The following ADGRB1 variants were observed in gnomAD, a reference collection of about 807,000 sequenced individuals.
The protein encoded by ADGRB1 is adhesion G protein-coupled receptor B1.
In ADGRB1, 36 loss-of-function variants were observed where a neutral mutation model predicts 175.7. That is an observed-to-expected ratio of 0.20 (90% confidence interval 0.16 to 0.27). The LOEUF (loss-of-function observed/expected upper bound fraction) is 0.27, where lower values mean the gene tolerates loss of function less well. Among genes scored for constraint, ADGRB1 ranks in the 10% least tolerant of loss-of-function variants. ADGRB1 has a pLI of 1.00. For synonymous variants in ADGRB1, 1,054 were observed against 979.4 expected, an observed-to-expected ratio of 1.08 and a Z score of -1.42; for missense variants, 1,731 against 2,255.3, an observed-to-expected ratio of 0.77 and a Z score of 4.71.
At chr8:142,498,250 A>G (rs927914367) in intron 17 of ADGRB1, among the ~76,000 whole-genome samples, 1 of 152,206 alleles carries the variant, frequency 6.6e-6, no homozygotes, top group South Asian at 2.1e-4. Flanking sequence ...CCAGCAGAGC[A>G]GAAGCCCCCG....
At chr8:142,451,726 GA>G (rs1341105740) in intron 1 of ADGRB1, among the ~76,000 whole-genome samples, 1 of 152,190 alleles carries the variant, frequency 6.6e-6, no homozygotes, top group African/African-American at 2.4e-5. Context: ...GGAGGCGGGG[GA>G]AAGGGGAGCT....
Position 142,542,727 on chromosome 8 carries a change from C to T in ADGRB1, c.4413+80C>T, listed in dbSNP as rs1845355361. ...GCTGGGTCACCCCTGCTGGGTGGGA[C>T]CCCCACGCCGTCAGCGGGGCGGGCT... On this transcript the variant is annotated intron_variant, in intron 28 of 30. Transcript: ENST00000517894. The surrounding 1 kb of genome is among the most constrained non-coding windows in gnomAD (Gnocchi z 6.3). 5 of 1,316,082 alleles carry T rather than the reference C, an allele frequency of 3.8e-6. No individual in the cohort carries two copies. In the Admixed American group the frequency reaches 1.3e-4, roughly 35 times the overall value. 81.5% of individuals were successfully genotyped at this position (1,316,082 alleles called of 1,614,324 possible). A position where few individuals can be genotyped will look rare whatever the true frequency, so the allele number is the denominator to read the frequency against.
intron 2 of ADGRB1, 26 bp downstream of exon 2, chr8:142,465,008 GGACAGGGGAGGTGGGCA>G (rs746381973): frequency 8.6e-5 from 125 of 1,448,208 alleles, no homozygotes; most frequent in East Asian, 4.2e-4. Flanking sequence ...GGAAACCTTC[GGACAGGGGAGGTGGGCA>G]GACAGGGGAG....
intron 16 of ADGRB1, among the ~76,000 whole-genome samples, chr8:142,489,929 G>T (rs999138389): frequency 2.6e-5 from 4 of 152,202 alleles, no homozygotes; most frequent in African/African-American, 9.6e-5. Context: ...TGCTATGTGA[G>T]CCCTGCCAGG....
chr8:142,487,293 G>A (rs1841717851), intron 13 of ADGRB1, among the ~76,000 whole-genome samples: 1 of 151,860 alleles, frequency 6.6e-6, no homozygotes, highest in Admixed American at 6.5e-5. Flanking sequence ...CCCATTCCCC[G>A]CTGCAGCTTC....
chr8:142,497,083 C>T (rs1842251099), intron 17 of ADGRB1, among the ~76,000 whole-genome samples: 1 of 152,260 alleles, frequency 6.6e-6, no homozygotes, highest in South Asian at 2.1e-4. Context: ...TCAGTGCACA[C>T]AGGCTGTCTC....
At chr8:142,471,052 G>A (rs1230509717) in intron 2 of ADGRB1, among the ~76,000 whole-genome samples, 6 of 152,106 alleles carry the variant, frequency 3.9e-5, no homozygotes, top group Non-Finnish European at 7.4e-5. Flanking sequence ...GTGACAGGGA[G>A]CACCGAGGGG....
rs745974864 is a variant in ADGRB1, at chr8:142,481,399, A to G, written c.1935+39A>G. 17 of 1,607,400 alleles carry G rather than the reference A, an allele frequency of 1.1e-5. No homozygotes were observed. In the South Asian group the frequency reaches 1.3e-4, roughly 12 times the overall value. ...CCCGGGGGTCTCCAACCCCTCCCCA[A>G]TCACCCTGGCCACACAGGTTGGGAC... is the stretch of plus-strand genomic sequence containing the variant. On this transcript the variant is annotated intron_variant, in intron 10 of 30. Coordinates refer to ENST00000517894, the MANE Select transcript of ADGRB1 (RefSeq NM_001702.3).
At chr8:142,477,601 T>G (rs1587292704) in intron 6 of ADGRB1, 52 bp downstream of exon 6, 1 of 1,571,650 alleles carries the variant, frequency 6.4e-7, no homozygotes, top group South Asian at 1.2e-5. Context: ...AAAGGGGAGG[T>G]CACAGTGGGC....
Position 142,522,708 on chromosome 8 carries a change from C to T in ADGRB1, c.3243C>T (p.Asn1081=), listed in dbSNP as rs760999864. 2.6e-6 allele frequency: 4 copies of T among 1,525,050 alleles called. No homozygotes were observed. In the South Asian group the frequency reaches 3.8e-5, roughly 15 times the overall value. The allele number at this position is 1,525,050 out of a possible 1,614,324, so 94.5% of individuals were successfully genotyped here. A position where few individuals can be genotyped will look rare whatever the true frequency, so the allele number is the denominator to read the frequency against. ...FTKAKGYSTM[N]YCWLSLEGGL... ...AGGCCAAAGGGTACAGCACCATGAA[C>T]TAGTGAGTCGGGGCATTGGGGGTGT... The change falls in exon 22 of 31, where the codon AAC becomes AAT. Residue 1081 remains asparagine, a splice_region_variant and synonymous_variant. Transcript: ENST00000517894.
At chr8:142,515,123 C>A (rs948459671) in intron 18 of ADGRB1, among the ~76,000 whole-genome samples, 1 of 152,060 alleles carries the variant, frequency 6.6e-6, no homozygotes, top group African/African-American at 2.4e-5. Context: ...ACCTAGTATG[C>A]AGGGAGGGCC....
At chr8:142,477,315 G>A (rs972899692) in intron 5 of ADGRB1, 37 bp downstream of exon 5, 7 of 1,461,998 alleles carry the variant, frequency 4.8e-6, no homozygotes, top group African/African-American at 3.0e-5. Context: ...CGGACAGCCA[G>A]GGCAGCGGGG....
In ADGRB1 at chr8:142,479,192, A is replaced by G. The variant is rs538667053; in HGVS notation, c.1562-131A>G. 8.6e-5 allele frequency: 91 copies of G among 1,054,846 alleles called. No homozygotes were observed. In the African/African-American group the frequency reaches 1.2e-3, roughly 14 times the overall value. 65.3% of individuals were successfully genotyped at this position (1,054,846 alleles called of 1,614,324 possible). On this transcript the variant is annotated intron_variant, in intron 7 of 30. Transcript: ENST00000517894. ...TCCCTTCTTTGACCTCCTGCCCCAC[A>G]TTCCTGGGTCCCTATGTTTCACTGC...
intron 30 of ADGRB1, 67 bp from the exon 31 acceptor site, chr8:142,544,153 C>T (rs893297427): frequency 6.6e-7 from 1 of 1,506,938 alleles, no homozygotes; most frequent in African/African-American, 1.4e-5. Context: ...CCTCCTCCCC[C>T]CTACTCCTCG....
chr8:142,520,688 C>T, intron 19 of ADGRB1, 135 bp from the exon 20 acceptor site: 1 of 649,708 alleles, frequency 1.5e-6, no homozygotes, highest in Non-Finnish European at 2.8e-6. Flanking sequence ...TGATGATGGT[C>T]ATGGTGGTGG....
chr8:142,522,362 T>C (rs905263720), intron 21 of ADGRB1, among the ~76,000 whole-genome samples: 15 of 152,134 alleles, frequency 9.9e-5, no homozygotes, highest in African/African-American at 3.6e-4. Context: ...CGGTGCAGTA[T>C]TTGGGAGGTA....
At chr8:142,450,127 G>C (rs1480185810) in intron 1 of ADGRB1, 23 bp downstream of exon 1, 1 of 148,174 alleles carries the variant, frequency 6.7e-6, no homozygotes, top group Non-Finnish European at 1.5e-5. Context: ...CCGGCGGGGG[G>C]CTGGGGGCGC....
intron 17 of ADGRB1, among the ~76,000 whole-genome samples, chr8:142,509,463 G>T (rs1195064637): frequency 2.6e-5 from 4 of 152,212 alleles, no homozygotes; most frequent in African/African-American, 9.7e-5. Flanking sequence ...TGGCTCTCCA[G>T]GCTCCTCTGG....
At chr8:142,494,193 A>C (rs886688000) in intron 17 of ADGRB1, among the ~76,000 whole-genome samples, 1 of 152,172 alleles carries the variant, frequency 6.6e-6, no homozygotes, top group African/African-American at 2.4e-5. Flanking sequence ...GATAGAGCCC[A>C]GATCCCAAAC....
Sources: allele counts gnomAD v4.1 joint callset (sites outside exome capture counted in the v4.1 genomes callset), GRCh38; gene constraint gnomAD v4.1.1; non-coding constraint Gnocchi (gnomAD v3.1); transcripts MANE v1.5; gene names NCBI Gene and HGNC (gene_info 2026-07-23, HGNC 2026-07-21).